EXOC2: variants seen among roughly 807,000 people sequenced by gnomAD.
The protein encoded by EXOC2 is exocyst complex component 2.
EXOC2 carries 70 observed loss-of-function variants against 131.8 expected under a neutral mutation model. The observed-to-expected ratio is 0.53, with a 90% CI of 0.44 to 0.65. The LOEUF is 0.65. EXOC2 is among the 30% of genes least tolerant of loss of function. EXOC2 has a pLI of 0.00. For synonymous variants in EXOC2, 411 were observed against 398.4 expected (o/e 1.03, Z -0.38); for missense variants, 923 against 1,108.6 (o/e 0.83, Z 2.38).
chr6:653,352 G>T (rs1382424425), intron 1 of EXOC2, among the ~76,000 whole-genome samples: 1 of 152,266 alleles, frequency 6.6e-6, no homozygotes, highest in African/African-American at 2.4e-5. Flanking sequence ...TGGCCAAGCT[G>T]TGAATGCAAA....
intron 1 of EXOC2, among the ~76,000 whole-genome samples, chr6:642,301 C>T (rs1762391670): frequency 6.6e-6 from 1 of 152,184 alleles, no homozygotes; most frequent in South Asian, 2.1e-4. Flanking sequence ...TTTGAAAACA[C>T]ATCTTTAATC....
intron 23 of EXOC2, among the ~76,000 whole-genome samples, chr6:501,121 A>ATATATATTATATAT (rs1424919954): frequency 1.5e-5 from 1 of 66,258 alleles, no homozygotes; most frequent in East Asian, 3.5e-4. Flanking sequence ...ATATATATCT[A>ATATATATTATATAT]TATATATTAT....
chr6:677,217 ACT>A (rs60181433), intron 1 of EXOC2, among the ~76,000 whole-genome samples: 11,474 of 50,624 alleles, frequency 0.23, 2,155 homozygotes, highest in East Asian at 0.45. Flanking sequence ...TCCTCTGGAG[ACT>A]CTGCGGTTCC....
intron 22 of EXOC2, among the ~76,000 whole-genome samples, chr6:536,611 G>T (rs780988802): frequency 1.9e-4 from 29 of 152,206 alleles, no homozygotes; most frequent in Non-Finnish European, 3.1e-4. Context: ...AAAGAACAAA[G>T]TTGGAAGACT....
intron 25 of EXOC2, among the ~76,000 whole-genome samples, chr6:495,195 G>A (rs550518920): frequency 1.4e-5 from 2 of 147,974 alleles, no homozygotes; most frequent in East Asian, 2.0e-4. Context: ...GTGCGATCTC[G>A]GCTCACTGCG....
intron 1 of EXOC2, chr6:656,088 A>C: frequency 7.0e-6 from 11 of 1,562,936 alleles, no homozygotes; most frequent in Non-Finnish European, 8.8e-6. Flanking sequence ...TTAAAAAAAA[A>C]ATCTAAGCTG....
At position 646,264 on chromosome 6, in the gene EXOC2, TAGGAGTCA is replaced by T. The variant is rs145638878; in HGVS notation, c.-43-8411_-43-8404del. ...CTTAATAACTACATACTGAAGTATT[TAGGAGTCA>T]AGGAATGATGCCTCATCCCACTTTC... On this transcript the variant is annotated intron_variant, in intron 1 of 27. Coordinates refer to ENST00000230449, the MANE Select transcript of EXOC2 (RefSeq NM_018303.6). 1.2e-4 allele frequency among the ~76,000 whole-genome samples: 18 copies of T among 152,338 alleles called. No individual in the cohort carries two copies. The East Asian group carries it at 3.5e-3, about 29-fold the overall frequency.
chr6:539,040 A>G (rs2127551131), intron 22 of EXOC2, among the ~76,000 whole-genome samples: 1 of 151,306 alleles, frequency 6.6e-6, no homozygotes, highest in Admixed American at 6.6e-5. Flanking sequence ...ACTGCACTAC[A>G]GCCTGGGTGA....
chr6:679,160 A>G (rs560634085), intron 1 of EXOC2: 1 of 152,172 alleles, frequency 6.6e-6, no homozygotes, highest in Non-Finnish European at 1.5e-5. Context: ...AAGTTAATAA[A>G]TAAAAGATAA....
intron 22 of EXOC2, among the ~76,000 whole-genome samples, chr6:545,452 C>G (rs1756796969): frequency 6.6e-6 from 1 of 152,228 alleles, no homozygotes; most frequent in East Asian, 1.9e-4. Flanking sequence ...GGTTTGCACA[C>G]TTAAATTGCA....
chr6:586,954 G>A (rs1159697563), intron 11 of EXOC2, among the ~76,000 whole-genome samples: 2 of 152,206 alleles, frequency 1.3e-5, no homozygotes, highest in African/African-American at 4.8e-5. Flanking sequence ...CAGTTTCCCA[G>A]ATTTCTTCCA....
At chr6:629,814 T>C (rs774454597) in intron 4 of EXOC2, 21 bp downstream of exon 4, 23 of 1,608,652 alleles carry the variant, frequency 1.4e-5, no homozygotes, top group Non-Finnish European at 1.8e-5. Flanking sequence ...TAAAGAAGAC[T>C]GAAAGCAAGA....
intron 12 of EXOC2, among the ~76,000 whole-genome samples, chr6:573,215 T>A (rs565048295): frequency 6.6e-6 from 1 of 152,206 alleles, no homozygotes; most frequent in Non-Finnish European, 1.5e-5. Flanking sequence ...CGTTGAAACC[T>A]CTTTGGCTAT....
intron 1 of EXOC2, among the ~76,000 whole-genome samples, chr6:679,923 G>A (rs1764323477): frequency 6.6e-6 from 1 of 152,188 alleles, no homozygotes; most frequent in Non-Finnish European, 1.5e-5. Context: ...ACAAGGGTAG[G>A]ATTATCAGAG....
intron 12 of EXOC2, among the ~76,000 whole-genome samples, chr6:573,547 C>T (rs866848296): frequency 6.6e-6 from 1 of 152,094 alleles, no homozygotes; most frequent in Non-Finnish European, 1.5e-5. Context: ...CCCATGAGAA[C>T]GTTTATTCCC....
At chr6:502,141 G>A (rs1235996530) in intron 23 of EXOC2, among the ~76,000 whole-genome samples, 2 of 152,140 alleles carry the variant, frequency 1.3e-5, no homozygotes, top group East Asian at 1.9e-4. Context: ...TCATGTAGAC[G>A]CACAGGTAAC....
intron 23 of EXOC2, among the ~76,000 whole-genome samples, chr6:514,015 C>CTTT (rs1764994657): frequency 6.6e-6 from 1 of 152,172 alleles, no homozygotes; most frequent in Non-Finnish European, 1.5e-5. Flanking sequence ...AAATGATATA[C>CTTT]TTTTGAAAAG....
At chr6:563,691 T>C (rs1017842058) in intron 16 of EXOC2, among the ~76,000 whole-genome samples, 2 of 152,154 alleles carry the variant, frequency 1.3e-5, no homozygotes, top group Admixed American at 6.5e-5. Flanking sequence ...TTTCTGTAAA[T>C]TAAAATTTAA....
intron 23 of EXOC2, among the ~76,000 whole-genome samples, chr6:529,637 TTAAGA>T (rs1177787916): frequency 1.3e-5 from 2 of 152,132 alleles, no homozygotes; most frequent in African/African-American, 4.8e-5. Flanking sequence ...ACATAACCAA[TTAAGA>T]TAAGCATGAT....
Sources: gnomAD v4.1 joint callset for allele counts (sites outside exome capture counted in the v4.1 genomes callset) on GRCh38, gnomAD v4.1.1 for gene constraint, MANE v1.5 for transcripts, NCBI Gene and HGNC (gene_info 2026-07-23, HGNC 2026-07-21) for gene names.